The following BTD variants were observed in gnomAD, a reference collection of about 807,000 sequenced individuals.
BTD encodes the protein biotinidase.
In BTD, 13 loss-of-function variants were observed where a neutral mutation model predicts 17.7. That is an observed-to-expected ratio of 0.74 (90% CI 0.48 to 1.17). BTD has a LOEUF of 1.17. Ranked by LOEUF, BTD falls within the 50% of genes most tolerant of loss-of-function variation. The pLI is 0.00. For missense variants in BTD, 674 were observed against 650.4 expected, an observed-to-expected ratio of 1.04 and a Z score of -0.39; for synonymous variants, 240 against 245.2, an observed-to-expected ratio of 0.98 and a Z score of 0.20.
chr3:15,669,562 A>G (rs529228653), intron 3 of BTD: 2 of 152,162 alleles, frequency 1.3e-5, no homozygotes, highest in Non-Finnish European at 2.9e-5. Context: ...TTTTAATTCT[A>G]ATAGTATAAA....
chr3:15,612,358 C>T (rs1415285649), intron 1 of BTD, among the ~76,000 whole-genome samples: 2 of 152,016 alleles, frequency 1.3e-5, no homozygotes, highest in Non-Finnish European at 2.9e-5. Flanking sequence ...TGGTTTTTTT[C>T]TTTACTTCAA....
At position 15,647,251 on chromosome 3, in the gene BTD, C is replaced by T. The variant is rs2470530; in HGVS notation, c.*1763C>T. 0.68 allele frequency: 103,387 copies of T among 152,198 alleles called. 35,948 individuals are homozygous for T. The highest frequency in any genetic ancestry group is 0.78 in the South Asian group (3,777 of 4,830). 9.4% of individuals were successfully genotyped at this position (152,198 alleles called of 1,614,324 possible). A position where few individuals can be genotyped will look rare whatever the true frequency, so the allele number is the denominator to read the frequency against. On this transcript the variant is annotated 3_prime_UTR_variant, in exon 4 of 4. Coordinates refer to ENST00000643237, the MANE Select transcript of BTD (RefSeq NM_001370658.1). ...CCAGAAGCGGCCCCAGATGTGGCTA[C>T]CCACCGCCCAGTCTGCTTCCCTGCC...
At chr3:15,717,291 T>G (rs957294958), downstream of BTD, among the ~76,000 whole-genome samples, 22 of 152,128 alleles carry the variant, frequency 1.4e-4, no homozygotes, top group African/African-American at 5.1e-4. Context: ...AATCCTTTAT[T>G]ATAAGCCTAT....
At chr3:15,677,434 C>T in intron 3 of BTD, 1 of 1,424,420 alleles carries the variant, frequency 7.0e-7, no homozygotes, top group Non-Finnish European at 9.9e-7. Context: ...TTTAAGGTCA[C>T]TGTTAATATT....
chr3:15,602,134 T>C lies in BTD; in HGVS notation c.-17+240T>C, dbSNP rs977671739. 13 of 1,425,950 alleles carry C rather than the reference T, an allele frequency of 9.1e-6. No homozygotes were observed. The African/African-American group carries it at 1.3e-4, about 14-fold the overall frequency. 88.3% of individuals were successfully genotyped at this position (1,425,950 alleles called of 1,614,324 possible). ...ACGCTCTCATAACCTTGTGGTTTTA[T>C]AGTCCTTAAATTATTGTAGCGCACG... On this transcript the variant is annotated intron_variant, in intron 1 of 3. Coordinates refer to ENST00000643237, the MANE Select transcript of BTD (RefSeq NM_001370658.1).
At chr3:15,618,668 G>C (rs972755872) in intron 1 of BTD, among the ~76,000 whole-genome samples, 2 of 152,086 alleles carry the variant, frequency 1.3e-5, no homozygotes, top group Non-Finnish European at 2.9e-5. Flanking sequence ...TGGGACTACA[G>C]ACGCCTGCCA....
chr3:15,631,377 C>G lies in BTD; in HGVS notation c.-16-4047C>G, dbSNP rs1201625746. ...GATTTTTTAATGTATGTATCTGCCT[C>G]TGAAATTATTAAGAATGCCTTAATA... On this transcript the variant is annotated intron_variant, in intron 1 of 3. Coordinates refer to ENST00000643237, the MANE Select transcript of BTD (RefSeq NM_001370658.1). 3.0e-6 allele frequency: 4 copies of G among 1,336,794 alleles called. No individual in the cohort carries two copies. In the South Asian group the frequency reaches 4.1e-5, roughly 14 times the overall value. The allele number at this position is 1,336,794 out of a possible 1,614,324, so 82.8% of individuals were successfully genotyped here.
intron 3 of BTD, chr3:15,678,437 T>A (rs1022543527): frequency 8.8e-6 from 12 of 1,357,260 alleles, no homozygotes; most frequent in Non-Finnish European, 1.0e-6. Flanking sequence ...TGTGACATGC[T>A]GTTTTTAAGG....
chr3:15,680,867 A>G (rs1439663254), intron 3 of BTD, among the ~76,000 whole-genome samples: 3 of 152,100 alleles, frequency 2.0e-5, no homozygotes, highest in Non-Finnish European at 4.4e-5. Context: ...AAGTTTTGCC[A>G]TGTTGCTCAG....
chr3:15,692,297 G>C (rs762629612), intron 3 of BTD, among the ~76,000 whole-genome samples: 4 of 151,856 alleles, frequency 2.6e-5, no homozygotes, highest in Non-Finnish European at 5.9e-5. Context: ...AAAAAATAAA[G>C]AATTAGTCGG....
At chr3:15,602,927 A>G (rs764235870) in intron 1 of BTD, among the ~76,000 whole-genome samples, 2 of 152,186 alleles carry the variant, frequency 1.3e-5, no homozygotes, top group African/African-American at 2.4e-5. Context: ...ACAGTTCCAA[A>G]TGGCTACGGA....
At chr3:15,644,191 G>A (rs1359700695) in intron 3 of BTD, 125 bp from the exon 4 acceptor site, 1 of 949,042 alleles carries the variant, frequency 1.1e-6, no homozygotes, top group African/African-American at 1.7e-5. Context: ...TAGTTGAGAT[G>A]GGGTTTCACC....
chr3:15,659,824 G>C (rs2065904926), intron 3 of BTD, among the ~76,000 whole-genome samples: 1 of 152,140 alleles, frequency 6.6e-6, no homozygotes, highest in African/African-American at 2.4e-5. Flanking sequence ...TGTGAGATCA[G>C]TAGGATGACT....
rs2066877668 is a variant in BTD, at chr3:15,675,834, C to T, written c.399+33777C>T. 6.7e-6 allele frequency: 9 copies of T among 1,333,738 alleles called. No homozygotes were observed. In the South Asian group the frequency reaches 1.1e-4, roughly 16 times the overall value. The allele number at this position is 1,333,738 out of a possible 1,614,324, so 82.6% of individuals were successfully genotyped here. A position where few individuals can be genotyped will look rare whatever the true frequency, so the allele number is the denominator to read the frequency against. ...ATAAAAAATATCCAAGTTTATTTCT[C>T]TTCAAATATGGATCAAAAGATAAAA... On this transcript the variant is annotated intron_variant, in intron 3 of 3. Transcript: ENST00000672141.
At chr3:15,670,584 T>C (rs1559300526) in intron 3 of BTD, 1 of 1,595,764 alleles carries the variant, frequency 6.3e-7, no homozygotes, top group Non-Finnish European at 8.6e-7. Flanking sequence ...ATTTAAAAAT[T>C]AAGCATCCTG....
intron 3 of BTD, chr3:15,694,928 T>C (rs1319987538): frequency 1.0e-6 from 1 of 959,062 alleles, no homozygotes. Context: ...AGCAAACTTA[T>C]AAAACATGAT....
intron 1 of BTD, among the ~76,000 whole-genome samples, chr3:15,613,250 A>T (rs952575081): frequency 6.6e-6 from 1 of 152,078 alleles, no homozygotes; most frequent in Non-Finnish European, 1.5e-5. Context: ...TCTTTTATGC[A>T]TTTTCCAATT....
At chr3:15,673,126 C>A (rs895887632) in intron 3 of BTD, among the ~76,000 whole-genome samples, 3 of 152,214 alleles carry the variant, frequency 2.0e-5, no homozygotes, top group South Asian at 4.1e-4. Context: ...GTTCCTCCCC[C>A]ACTTTCTCCT....
Position 15,648,703 on chromosome 3 carries a change from A to G in BTD, c.*3215A>G, listed in dbSNP as rs754139486. ...AGATACGTTGTAGTCCTAACCCCCA[A>G]TAGCTCAGAATGTGGCCTTATTTGG... On this transcript the variant is annotated 3_prime_UTR_variant, in exon 4 of 4. Transcript: ENST00000643237. Among the ~76,000 whole-genome samples the G allele has an allele frequency of 7.2e-5, 11 of 152,198 alleles. No homozygotes were observed. The highest frequency in any genetic ancestry group is 7.4e-5 in the Non-Finnish European group (5 of 68,022).
Sources: gnomAD v4.1 joint callset for allele counts (sites outside exome capture counted in the v4.1 genomes callset) on GRCh38, gnomAD v4.1.1 for gene constraint, MANE v1.5 for transcripts, NCBI Gene and HGNC (gene_info 2026-07-23, HGNC 2026-07-21) for gene names.